The following KAT6A variants were observed in gnomAD, a reference collection of about 807,000 sequenced individuals.
KAT6A encodes the protein histone acetyltransferase KAT6A.
In KAT6A, 9 loss-of-function variants were observed where a neutral mutation model predicts 198.4. The observed-to-expected ratio is 0.05, with a 90% confidence interval of 0.03 to 0.08. KAT6A has a LOEUF of 0.08. Among genes scored for constraint, KAT6A ranks in the 10% least tolerant of loss-of-function variants. The pLI is 1.00. For synonymous variants in KAT6A, 890 were observed against 883.0 expected, an observed-to-expected ratio of 1.01 and a Z score of -0.14; for missense variants, 2,077 against 2,509.9, an observed-to-expected ratio of 0.83 and a Z score of 3.69.
intron 14 of KAT6A, 140 bp downstream of exon 14, chr8:41,942,653 T>C (rs1293881340): frequency 2.1e-6 from 2 of 954,232 alleles, no homozygotes; most frequent in East Asian, 5.3e-5. Context: ...TTGAAATCTC[T>C]ACCACTGAAA....
chr8:41,984,501 G>A (rs1298849741), intron 3 of KAT6A, among the ~76,000 whole-genome samples: 1 of 152,100 alleles, frequency 6.6e-6, no homozygotes, highest in African/African-American at 2.4e-5. Flanking sequence ...TAAAATCTTG[G>A]CAGCAACCTC....
chr8:42,029,224 T>C (rs972353401), intron 2 of KAT6A, among the ~76,000 whole-genome samples: 1 of 152,204 alleles, frequency 6.6e-6, no homozygotes, highest in Non-Finnish European at 1.5e-5. Context: ...TTCTCTGTCT[T>C]TGTGACAGTT....
intron 8 of KAT6A, among the ~76,000 whole-genome samples, chr8:41,956,377 A>G (rs983013660): frequency 1.3e-5 from 2 of 152,238 alleles, no homozygotes; most frequent in African/African-American, 4.8e-5. Flanking sequence ...AAAAACAAGC[A>G]TTAATAACTC....
In KAT6A at chr8:41,974,730, G is replaced by A. The variant is rs267601926; in HGVS notation, c.1456C>T (p.Arg486Cys). Reference protein sequence around the residue: ...IMTEKDMELFRDIQEQALQKV... With the variant: ...IMTEKDMELFCDIQEQALQKV... ...TGCAGTGCTTGTTCTTGGATATCAC[G>A]AAATAATTCCATATCTTTCTCAGTC... Residue 486 changes from arginine (R) to cysteine (C), a missense_variant, in exon 8 of 17, where the codon CGT (arginine) becomes TGT (cysteine). Arg to Cys is a radical substitution (Grantham distance 180, BLOSUM62 -3). Transcript: ENST00000265713. 6 of 1,608,342 alleles carry A rather than the reference G, an allele frequency of 3.7e-6. No homozygotes were observed. The highest frequency in any genetic ancestry group is 2.2e-5 in the East Asian group (1 of 44,596).
chr8:42,028,219 T>A (rs1158996130), intron 2 of KAT6A, among the ~76,000 whole-genome samples: 5 of 152,226 alleles, frequency 3.3e-5, no homozygotes, highest in Admixed American at 3.3e-4. Context: ...GGCTGCTGGA[T>A]AAAATGTTCT....
intron 1 of KAT6A, among the ~76,000 whole-genome samples, chr8:42,051,134 T>C (rs1430496863): frequency 1.3e-5 from 2 of 152,088 alleles, no homozygotes; most frequent in African/African-American, 4.8e-5. Flanking sequence ...GAGCGGTGCA[T>C]AGCCCCGGCC....
chr8:42,005,796 A>ACACACACACACACACACACACTCACT (rs71239089), intron 2 of KAT6A, among the ~76,000 whole-genome samples: 1 of 148,794 alleles, frequency 6.7e-6, no homozygotes, highest in Admixed American at 6.7e-5. Flanking sequence ...ACACACACAC[A>ACACACACACACACACACACACTCACT]CACTCACTCT....
In KAT6A at chr8:41,977,104, C is replaced by T; in HGVS notation, c.1267G>A (p.Gly423Arg). ...LTKFFTPSPD[G>R]RKARGEVVDY... ...ACCACTTCCCCCCGAGCTTTCCGCC[C>T]ATCAGGGGAAGGGGTAAAAAATTTG... The change falls in exon 7 of 17, where the codon GGG (glycine) becomes AGG (arginine). Residue 423 changes from glycine to arginine, a missense_variant. Around this residue, in one of 13 missense-constraint regions of KAT6A, gnomAD observed 206 missense variants for 214.9 expected, o/e 0.96. Transcript: ENST00000265713. The T allele has an allele frequency of 6.2e-7, 1 of 1,614,164 alleles. No individual in the cohort carries two copies. Among genetic ancestry groups the T allele is most frequent in the Non-Finnish European group, 8.5e-7 (1 of 1,180,022 alleles).
intron 2 of KAT6A, among the ~76,000 whole-genome samples, chr8:42,028,862 T>G (rs1226965731): frequency 1.3e-5 from 2 of 152,206 alleles, no homozygotes; most frequent in Admixed American, 6.5e-5. Context: ...GTCCTTTCTC[T>G]TTTTCATTTG....
chr8:41,935,883 T>G (rs1266624823), intron 16 of KAT6A, among the ~76,000 whole-genome samples: 1 of 152,226 alleles, frequency 6.6e-6, no homozygotes, highest in Non-Finnish European at 1.5e-5. Flanking sequence ...GTTTCCTAGT[T>G]ATGTTATTTC....
intron 2 of KAT6A, among the ~76,000 whole-genome samples, chr8:42,031,518 C>T (rs1212319672): frequency 1.3e-5 from 2 of 149,490 alleles, no homozygotes; most frequent in South Asian, 2.1e-4. Context: ...CTATGGGCAT[C>T]GTTAGAAAGT....
chr8:41,948,243 A>G (rs1822493620), intron 10 of KAT6A, among the ~76,000 whole-genome samples: 1 of 152,244 alleles, frequency 6.6e-6, no homozygotes, highest in African/African-American at 2.4e-5. Context: ...TTCGTTTTCA[A>G]AGTACTTAAC....
chr8:41,952,180 T>C (rs928522683), intron 9 of KAT6A, among the ~76,000 whole-genome samples: 20 of 152,234 alleles, frequency 1.3e-4, no homozygotes, highest in African/African-American at 4.8e-4. Flanking sequence ...AGGGATTCTA[T>C]TTGGTTTCTT....
intron 11 of KAT6A, 152 bp downstream of exon 11, chr8:41,947,599 T>C: frequency 1.6e-6 from 1 of 607,144 alleles, no homozygotes; most frequent in Non-Finnish European, 2.8e-6. Context: ...TTCTAGCACC[T>C]GGTAAGTTTC....
chr8:42,046,958 T>C (rs1802342844), intron 2 of KAT6A, among the ~76,000 whole-genome samples: 1 of 152,126 alleles, frequency 6.6e-6, no homozygotes, highest in Non-Finnish European at 1.5e-5. Context: ...TCTCTAAAAA[T>C]TTCATCAAAG....
At chr8:41,939,568 G>A (rs1238174792) in intron 15 of KAT6A, among the ~76,000 whole-genome samples, 1 of 152,054 alleles carries the variant, frequency 6.6e-6, no homozygotes, top group African/African-American at 2.4e-5. Flanking sequence ...ATGCCAACAG[G>A]TACCCTTTAA....
rs1319558443 is a variant in KAT6A at position 41,941,240 on chromosome 8, C to A, written c.2641G>T (p.Asp881Tyr). ...TCCAAGAGCAGTTTAGAATCTTTAT[C>A]ACCAAAACGTTCCTGGGTTTTTCTG... ...KNRKTQERFGDKDSKLLLEET... is the reference protein window; with the variant it reads ...KNRKTQERFGYKDSKLLLEET... The change falls in exon 15 of 17, where the codon GAT becomes TAT. Residue 881 changes from aspartate to tyrosine, a missense_variant. This residue lies in a region of KAT6A where 301 missense variants were observed against 272.2 expected (regional missense o/e 1.11). Transcript: ENST00000265713. The A allele has an allele frequency of 6.2e-7, 1 of 1,614,154 alleles. No individual in the cohort carries two copies.
At chr8:42,045,562 C>CAAAAAAA (rs373672997) in intron 2 of KAT6A, among the ~76,000 whole-genome samples, 1 of 74,064 alleles carries the variant, frequency 1.4e-5, no homozygotes, top group African/African-American at 4.7e-5. Context: ...AATTCCATCT[C>CAAAAAAA]AAAAAAAAAA....
chr8:42,035,759 G>A (rs1330028757), intron 2 of KAT6A, among the ~76,000 whole-genome samples: 2 of 152,208 alleles, frequency 1.3e-5, no homozygotes, highest in Non-Finnish European at 2.9e-5. Context: ...TGCAGCAGAC[G>A]TGGAATGAAT....
Sources: allele counts gnomAD v4.1 joint callset (sites outside exome capture counted in the v4.1 genomes callset), GRCh38; gene constraint gnomAD v4.1.1; regional missense constraint gnomAD v4.1.1; transcripts MANE v1.5; gene names NCBI Gene and HGNC (gene_info 2026-07-23, HGNC 2026-07-21).